CDH13: variants seen among roughly 807,000 people sequenced by gnomAD.
CDH13 encodes cadherin-13.
CDH13 carries 24 observed loss-of-function variants against 63.8 expected under a neutral mutation model. The observed-to-expected ratio is 0.38, with a 90% CI of 0.27 to 0.53. CDH13 has a LOEUF of 0.53. Ranked by LOEUF, CDH13 falls within the 20% of genes least tolerant of loss-of-function variation. The probability of loss-of-function intolerance (pLI) is 0.85; values close to 1 mark genes in which losing one functional copy is unlikely to be tolerated. For missense variants in CDH13, 1,049 were observed against 903.1 expected (o/e 1.16, Z -2.07); for synonymous variants, 503 against 355.3 (o/e 1.42, Z -4.67).
At chr16:83,722,279 A>T (rs1909798637) in intron 10 of CDH13, among the ~76,000 whole-genome samples, 1 of 152,222 alleles carries the variant, frequency 6.6e-6, no homozygotes, top group Non-Finnish European at 1.5e-5. Flanking sequence ...GATAGTTAAG[A>T]TTATATGAAA....
intron 4 of CDH13, among the ~76,000 whole-genome samples, chr16:83,210,189 C>T (rs1267632058): frequency 6.6e-6 from 1 of 151,936 alleles, no homozygotes; most frequent in Non-Finnish European, 1.5e-5. Context: ...CTCAGCCTCC[C>T]GAGTAACTGG....
chr16:83,393,641 GAATC>G (rs565884911), intron 6 of CDH13, among the ~76,000 whole-genome samples: 9 of 152,104 alleles, frequency 5.9e-5, no homozygotes, highest in East Asian at 1.9e-4. Context: ...GAATTTAATC[GAATC>G]AATCATTCAT....
intron 10 of CDH13, among the ~76,000 whole-genome samples, chr16:83,706,930 CACTT>C (rs146208965): frequency 0.64 from 96,637 of 151,404 alleles, 31,350 homozygotes; most frequent in Middle Eastern, 0.74. Context: ...GAGTCGGACT[CACTT>C]CATCCCTTCA....
At chr16:83,479,922 T>G (rs940011823) in intron 6 of CDH13, among the ~76,000 whole-genome samples, 1 of 152,154 alleles carries the variant, frequency 6.6e-6, no homozygotes. Context: ...GTCGAATAAA[T>G]GTCTGAAAAT....
chr16:83,419,268 G>C (rs1179752487), intron 6 of CDH13, among the ~76,000 whole-genome samples: 2 of 152,074 alleles, frequency 1.3e-5, no homozygotes, highest in Non-Finnish European at 2.9e-5. Flanking sequence ...CATTGATTCT[G>C]TCTTTGGAAG....
chr16:82,796,969 G>A (rs1195236450), intron 1 of CDH13, among the ~76,000 whole-genome samples: 1 of 152,130 alleles, frequency 6.6e-6, no homozygotes, highest in African/African-American at 2.4e-5. Context: ...AATGCCCATT[G>A]GAGGCAGGAT....
chr16:83,140,871 G>A (rs889961257), intron 4 of CDH13, among the ~76,000 whole-genome samples: 3 of 152,170 alleles, frequency 2.0e-5, no homozygotes, highest in Non-Finnish European at 4.4e-5. Context: ...AAGGTTTAAG[G>A]CACCAAGAAT....
chr16:83,018,938 G>A (rs1182329329), intron 2 of CDH13, among the ~76,000 whole-genome samples: 3 of 152,222 alleles, frequency 2.0e-5, no homozygotes, highest in Non-Finnish European at 4.4e-5. Context: ...AGAGGTGGTA[G>A]GATTGGAAGA....
chr16:83,617,675 C>G (rs539401553), intron 8 of CDH13, among the ~76,000 whole-genome samples: 1 of 151,284 alleles, frequency 6.6e-6, no homozygotes, highest in Non-Finnish European at 1.5e-5. Context: ...CACATAATAT[C>G]TATTGTAATA....
chr16:82,811,272 A>C (rs1370690309), intron 1 of CDH13, among the ~76,000 whole-genome samples: 1 of 152,154 alleles, frequency 6.6e-6, no homozygotes, highest in African/African-American at 2.4e-5. Flanking sequence ...TAGAATATGG[A>C]AAACATTACA....
chr16:83,371,031 G>A (rs1180968647), intron 6 of CDH13, among the ~76,000 whole-genome samples: 1 of 152,106 alleles, frequency 6.6e-6, no homozygotes, highest in Non-Finnish European at 1.5e-5. Context: ...AAGTCAAAAC[G>A]AAACAGGTGC....
chr16:83,107,579 C>G (rs138588190), intron 3 of CDH13, among the ~76,000 whole-genome samples: 6 of 152,282 alleles, frequency 3.9e-5, no homozygotes, highest in Admixed American at 2.0e-4. Context: ...AATAGGGAAA[C>G]TCCTATGTTT....
rs557828211 is a variant in CDH13 at position 83,515,646 on chromosome 16, C to G, written c.960+28991C>G. Among the ~76,000 whole-genome samples, 18 of 152,276 alleles carry G rather than the reference C, an allele frequency of 1.2e-4. No homozygotes were observed. The South Asian group carries it at 3.5e-3, about 30-fold the overall frequency. On this transcript the variant is annotated intron_variant, in intron 7 of 13. Coordinates refer to ENST00000567109, the MANE Select transcript of CDH13 (RefSeq NM_001257.5). ...AAAATTTCTCAAATGCTTAGAATTT[C>G]TAGATGTCACAACAGAGATGTTACC...
In CDH13 at chr16:82,943,970, T is replaced by C. The variant is rs138236346; in HGVS notation, c.157+85497T>C. ...CCAGGCAATGTTGTCCTTGGCATCTTATTCAGGTCTGGCTTCCACTGCAGT... is the reference window on the plus strand; with the variant it reads ...CCAGGCAATGTTGTCCTTGGCATCTCATTCAGGTCTGGCTTCCACTGCAGT... On this transcript the variant is annotated intron_variant, in intron 2 of 13. Transcript: ENST00000567109. 2.7e-3 allele frequency among the ~76,000 whole-genome samples: 412 copies of C among 152,334 alleles called. 1 individual carries two copies. Among genetic ancestry groups the C allele is most frequent in the Middle Eastern group, 6.8e-3 (2 of 292 alleles).
At chr16:83,521,790 G>C (rs556338278) in intron 7 of CDH13, among the ~76,000 whole-genome samples, 1 of 152,316 alleles carries the variant, frequency 6.6e-6, no homozygotes, top group East Asian at 1.9e-4. Flanking sequence ...GGCCTGGCTA[G>C]TGCTGGTTCT....
At chr16:82,900,831 A>G (rs1391843070) in intron 2 of CDH13, among the ~76,000 whole-genome samples, 1 of 152,238 alleles carries the variant, frequency 6.6e-6, no homozygotes, top group Non-Finnish European at 1.5e-5. Flanking sequence ...AAATGCCAAG[A>G]AATTCTATGG....
intron 2 of CDH13, among the ~76,000 whole-genome samples, chr16:83,007,712 A>T (rs959981326): frequency 1.3e-5 from 2 of 151,766 alleles, no homozygotes; most frequent in Non-Finnish European, 1.5e-5. Context: ...TAGTCCCAGT[A>T]ACTTGGGAGG....
intron 6 of CDH13, among the ~76,000 whole-genome samples, chr16:83,427,025 C>T (rs1247241939): frequency 1.4e-5 from 2 of 140,502 alleles, no homozygotes; most frequent in Non-Finnish European, 3.0e-5. Flanking sequence ...CTCCCAGGTT[C>T]ACGCCATTCT....
intron 6 of CDH13, among the ~76,000 whole-genome samples, chr16:83,399,248 T>C (rs993244313): frequency 3.3e-5 from 5 of 152,264 alleles, no homozygotes; most frequent in Admixed American, 3.3e-4. Context: ...TAATATTTTG[T>C]CCTAATAATT....
Sources: allele counts gnomAD v4.1 joint callset (sites outside exome capture counted in the v4.1 genomes callset), GRCh38; gene constraint gnomAD v4.1.1; transcripts MANE v1.5; gene names NCBI Gene and HGNC (gene_info 2026-07-23, HGNC 2026-07-21).